Variants in ESR1 observed in about 807,000 individuals in gnomAD.
The protein encoded by ESR1 is estrogen receptor.
A neutral mutation model predicts 52.7 loss-of-function variants in ESR1; 12 were observed. The observed-to-expected ratio is 0.23, with a 90% CI of 0.15 to 0.37. The LOEUF (loss-of-function observed/expected upper bound fraction) is 0.37. ESR1 is among the 10% of genes least tolerant of loss of function. The pLI is 1.00. For synonymous variants in ESR1, 305 were observed against 316.8 expected (o/e 0.96, Z 0.39); for missense variants, 584 against 779.7 (o/e 0.75, Z 2.99).
chr6:151,866,113 C>T (rs1013591253), intron 2 of ESR1, among the ~76,000 whole-genome samples: 6 of 152,184 alleles, frequency 3.9e-5, no homozygotes, highest in African/African-American at 7.2e-5. Context: ...CAGCAAATAA[C>T]GAAGAAGCTG....
intron 5 of ESR1, among the ~76,000 whole-genome samples, chr6:152,019,135 G>A (rs927947374): frequency 6.6e-6 from 1 of 152,160 alleles, no homozygotes; most frequent in Non-Finnish European, 1.5e-5. Flanking sequence ...GGAGAAGTGA[G>A]CCAAACTGCC....
chr6:152,029,747 T>C (rs1283063949), intron 5 of ESR1, among the ~76,000 whole-genome samples: 1 of 152,158 alleles, frequency 6.6e-6, no homozygotes, highest in East Asian at 1.9e-4. Context: ...ACTTCCCCAA[T>C]CTAGCAAGGC....
At chr6:151,800,346 A>T (rs551017317), upstream of ESR1, among the ~76,000 whole-genome samples, 3 of 152,182 alleles carry the variant, frequency 2.0e-5, no homozygotes, top group African/African-American at 7.2e-5. Context: ...CTAAACACTA[A>T]GCCCCTGAAG....
At chr6:151,997,799 GAGAAAAAACACAGAAATAAA>G (rs1361861930) in intron 4 of ESR1, among the ~76,000 whole-genome samples, 1 of 152,094 alleles carries the variant, frequency 6.6e-6, no homozygotes, top group African/African-American at 2.4e-5. Context: ...AGTGGCAGAA[GAGAAAAAACACAGAAATAAA>G]AGAAAAGCAG....
chr6:151,853,189 A>G (rs1787165808), intron 2 of ESR1, among the ~76,000 whole-genome samples: 6 of 147,810 alleles, frequency 4.1e-5, no homozygotes, highest in African/African-American at 1.3e-4. Flanking sequence ...AAAAAAAAAA[A>G]AAAAAAAAAG....
chr6:151,769,913 G>T (rs1201400909), intron 2 of ESR1, among the ~76,000 whole-genome samples: 3 of 151,898 alleles, frequency 2.0e-5, no homozygotes, highest in African/African-American at 7.3e-5. Flanking sequence ...CTGCAGTCCC[G>T]GCTACTCGGG....
At chr6:151,821,921 C>A (rs893173347) in intron 1 of ESR1, among the ~76,000 whole-genome samples, 4 of 152,068 alleles carry the variant, frequency 2.6e-5, no homozygotes, top group Non-Finnish European at 4.4e-5. Flanking sequence ...AATTGATGGA[C>A]CCATATGTCG....
intron 1 of ESR1, among the ~76,000 whole-genome samples, chr6:151,666,289 T>A (rs377261354): frequency 1.3e-5 from 2 of 152,124 alleles, no homozygotes; most frequent in East Asian, 3.8e-4. Flanking sequence ...AGTTGTGTGG[T>A]TGGTGTGGAG....
intron 4 of ESR1, among the ~76,000 whole-genome samples, chr6:151,996,038 T>G (rs1182804990): frequency 6.6e-6 from 1 of 152,190 alleles, no homozygotes; most frequent in Non-Finnish European, 1.5e-5. Context: ...TACTCACAGC[T>G]GCATCACACT....
intron 7 of ESR1, chr6:152,096,813 T>A: frequency 2.8e-6 from 1 of 357,916 alleles, no homozygotes; most frequent in Non-Finnish European, 5.8e-6. Context: ...GATGCCAAAA[T>A]CCCTGGCTGA....
rs983030969 is a variant in ESR1 at position 152,122,330 on chromosome 6, C to T, written c.851-2936C>T. ...TGGAGGAGGGCTAAAGCTGCCACAC[C>T]GAGGGCTTTCGCCAAGATCAAGGTC... On this transcript the variant is annotated intron_variant, in intron 6 of 6. Coordinates refer to the ESR1 transcript ENST00000427531. 3.5e-5 allele frequency: 55 copies of T among 1,589,730 alleles called. No homozygotes were observed. In the Admixed American group the frequency reaches 5.3e-4, roughly 15 times the overall value.
At chr6:151,669,373 A>G (rs1331444625) in intron 1 of ESR1, among the ~76,000 whole-genome samples, 1 of 152,038 alleles carries the variant, frequency 6.6e-6, no homozygotes, top group Non-Finnish European at 1.5e-5. Flanking sequence ...ACAAGCCTAC[A>G]GAGAATTTGA....
chr6:151,852,221 G>A (rs1371193601), intron 2 of ESR1, among the ~76,000 whole-genome samples: 1 of 152,170 alleles, frequency 6.6e-6, no homozygotes, highest in Non-Finnish European at 1.5e-5. Flanking sequence ...TTATCCAGCA[G>A]CCACAGAAAC....
chr6:152,083,538 G>A (rs1245682863), intron 6 of ESR1, among the ~76,000 whole-genome samples: 2 of 152,206 alleles, frequency 1.3e-5, no homozygotes, highest in Non-Finnish European at 2.9e-5. Flanking sequence ...TCAGGACATA[G>A]GCATGGGCAA....
At chr6:151,780,207 G>C (rs989920643) in intron 2 of ESR1, among the ~76,000 whole-genome samples, 1 of 151,886 alleles carries the variant, frequency 6.6e-6, no homozygotes, top group African/African-American at 2.4e-5. Flanking sequence ...GGGCCTGTCG[G>C]GGGGTTGGGG....
chr6:152,044,937 A>G (rs1473634451), intron 5 of ESR1, among the ~76,000 whole-genome samples: 2 of 152,206 alleles, frequency 1.3e-5, no homozygotes, highest in African/African-American at 2.4e-5. Flanking sequence ...CCATCACCCT[A>G]GGCTTTAGGG....
chr6:152,102,748 G>T lies in ESR1; in HGVS notation c.*3782G>T. The T allele has an allele frequency of 4.6e-6, 1 of 219,270 alleles. No individual in the cohort carries two copies. The highest frequency in any genetic ancestry group is 9.2e-6 in the Non-Finnish European group (1 of 109,062). The allele number at this position is 219,270 out of a possible 1,614,324, so 13.6% of individuals were successfully genotyped here. On this transcript the variant is annotated 3_prime_UTR_variant, in exon 8 of 8. Transcript: ENST00000206249. ...ACTTCAATTTTGCACTGTCTTTTGA[G>T]ATTCAAGAAAAATTTCTATTCTTTT...
rs1794120006 is a variant in ESR1, at chr6:151,887,928, C to T, written c.760+7157C>T. 8.0e-5 allele frequency among the ~76,000 whole-genome samples: 12 copies of T among 150,650 alleles called. No individual in the cohort carries two copies. In the South Asian group the frequency reaches 2.5e-3, roughly 32 times the overall value. On this transcript the variant is annotated intron_variant, in intron 3 of 7. Transcript: ENST00000206249. ...TGTAGATATCCAGTTTCTCTAGAAACATTTATCAAAGAAACTGTCCTTTCT... is the reference window on the plus strand; with the variant it reads ...TGTAGATATCCAGTTTCTCTAGAAATATTTATCAAAGAAACTGTCCTTTCT...
At chr6:151,839,151 A>G (rs75559245) in intron 1 of ESR1, among the ~76,000 whole-genome samples, 10,141 of 152,240 alleles carry the variant, frequency 0.067, 481 homozygotes, top group Non-Finnish European at 0.092. Flanking sequence ...GAATTAATCA[A>G]TTGAAGATTA....
Sources: allele counts gnomAD v4.1 joint callset (sites outside exome capture counted in the v4.1 genomes callset), GRCh38; gene constraint gnomAD v4.1.1; transcripts MANE v1.5; gene names NCBI Gene and HGNC (gene_info 2026-07-23, HGNC 2026-07-21).